Variants in GPHN observed in about 807,000 individuals in gnomAD.
GPHN encodes the protein gephyrin.
Under a neutral mutation model 95.5 loss-of-function variants are expected in GPHN, and 17 were observed. That is an observed-to-expected ratio of 0.18 (90% CI 0.12 to 0.27). The LOEUF is 0.27. Ranked by LOEUF, GPHN falls within the 10% of genes least tolerant of loss-of-function variation. The pLI, the probability that GPHN is intolerant of heterozygous loss-of-function variation, is 1.00. For missense variants in GPHN, 660 were observed against 978.1 expected, an observed-to-expected ratio of 0.67 and a Z score of 4.34; for synonymous variants, 320 against 322.5, an observed-to-expected ratio of 0.99 and a Z score of 0.08.
intron 5 of GPHN, among the ~76,000 whole-genome samples, chr14:66,907,909 G>A (rs1054437152): frequency 6.6e-6 from 1 of 151,944 alleles, no homozygotes; most frequent in Non-Finnish European, 1.5e-5. Context: ...AGGGGAAGAG[G>A]CTAGAATGAT....
At chr14:66,890,139 C>A (rs1018693472) in intron 5 of GPHN, among the ~76,000 whole-genome samples, 1 of 152,138 alleles carries the variant, frequency 6.6e-6, no homozygotes, top group Non-Finnish European at 1.5e-5. Context: ...CAGCTGGGTA[C>A]GGTGGCTCAC....
chr14:66,670,617 C>G (rs1021733579), intron 1 of GPHN, among the ~76,000 whole-genome samples: 3 of 152,098 alleles, frequency 2.0e-5, no homozygotes, highest in African/African-American at 7.2e-5. Context: ...CAGCGAAACC[C>G]AGTCTTAACA....
intron 4 of GPHN, among the ~76,000 whole-genome samples, chr14:66,857,109 C>A (rs2062836208): frequency 6.6e-6 from 1 of 151,920 alleles, no homozygotes; most frequent in East Asian, 1.9e-4. Flanking sequence ...ACAGTTTGGG[C>A]AGTCAGTAAT....
At chr14:67,434,696 C>T in the GPHN span, among the ~76,000 whole-genome samples, 42 of 152,312 alleles carry the variant, frequency 2.8e-4, 2 homozygotes, top group South Asian at 8.3e-3. Context: ...ATAATGATGA[C>T]AGCAGAGAGA....
At chr14:67,398,624 C>A in the GPHN span, among the ~76,000 whole-genome samples, 1 of 148,936 alleles carries the variant, frequency 6.7e-6, no homozygotes, top group Admixed American at 7.1e-5. Context: ...ACCTGAGAAC[C>A]ACCTAAACGA....
At chr14:67,650,744 G>A in the GPHN span, 1 of 1,614,098 alleles carries the variant, frequency 6.2e-7, no homozygotes, top group Non-Finnish European at 8.5e-7. Context: ...TCTTGTTGAA[G>A]TCAATCCTCA....
At chr14:67,731,319 A>G in the GPHN span, among the ~76,000 whole-genome samples, 1 of 144,176 alleles carries the variant, frequency 6.9e-6, no homozygotes, top group East Asian at 2.1e-4. Flanking sequence ...GGTTCAAGGG[A>G]TCCTCCTGCC....
chr14:66,943,418 G>A (rs1034449238), intron 8 of GPHN, among the ~76,000 whole-genome samples: 4 of 152,136 alleles, frequency 2.6e-5, no homozygotes, highest in Non-Finnish European at 5.9e-5. Context: ...AATTAAAGAT[G>A]CGGTTAGTAC....
chr14:67,513,015 G>C, the GPHN span, among the ~76,000 whole-genome samples: 1 of 152,110 alleles, frequency 6.6e-6, no homozygotes, highest in Admixed American at 6.5e-5. Context: ...ACAGTATAAG[G>C]CTCACTAACT....
At chr14:67,546,872 A>G in the GPHN span, among the ~76,000 whole-genome samples, 3 of 152,076 alleles carry the variant, frequency 2.0e-5, no homozygotes, top group Non-Finnish European at 1.5e-5. Flanking sequence ...CAAAGGATAT[A>G]TATATATTTT....
chr14:67,662,191 C>CAAA, the GPHN span, among the ~76,000 whole-genome samples: 3 of 149,798 alleles, frequency 2.0e-5, no homozygotes, highest in Admixed American at 6.7e-5. Flanking sequence ...AAAAAAAAAA[C>CAAA]AACAGATTTT....
intron 18 of GPHN, among the ~76,000 whole-genome samples, chr14:67,153,950 C>T (rs2081433729): frequency 6.6e-6 from 1 of 152,166 alleles, no homozygotes; most frequent in African/African-American, 2.4e-5. Context: ...GAGCATGAAG[C>T]ACTTCTTCAT....
At chr14:67,151,560 C>G (rs1039850506) in intron 18 of GPHN, among the ~76,000 whole-genome samples, 1 of 152,098 alleles carries the variant, frequency 6.6e-6, no homozygotes, top group African/African-American at 2.4e-5. Flanking sequence ...AATAGAGAAA[C>G]CAAAAGTTAC....
At chr14:67,070,302 GTA>G (rs552912319) in intron 11 of GPHN, among the ~76,000 whole-genome samples, 92 of 145,506 alleles carry the variant, frequency 6.3e-4, no homozygotes, top group African/African-American at 2.0e-3. Flanking sequence ...GTGTGTGTGT[GTA>G]TATATATATA....
At chr14:67,462,121 G>T in the GPHN span, among the ~76,000 whole-genome samples, 1 of 152,212 alleles carries the variant, frequency 6.6e-6, no homozygotes, top group Non-Finnish European at 1.5e-5. Context: ...TCCTGGAGGT[G>T]GGGTAGGGGT....
chr14:66,967,610 C>G (rs1395268995), intron 9 of GPHN, among the ~76,000 whole-genome samples: 2 of 151,864 alleles, frequency 1.3e-5, no homozygotes, highest in Non-Finnish European at 2.9e-5. Flanking sequence ...CAAAATACTC[C>G]AGTGAACATT....
At chr14:66,616,697 C>T (rs767884383) in intron 1 of GPHN, among the ~76,000 whole-genome samples, 57 of 151,944 alleles carry the variant, frequency 3.8e-4, no homozygotes, top group Non-Finnish European at 7.1e-4. Flanking sequence ...CAGTTAGGGG[C>T]ATGGGGAACA....
the GPHN span, among the ~76,000 whole-genome samples, chr14:67,361,341 T>C: frequency 6.6e-6 from 1 of 152,272 alleles, no homozygotes; most frequent in Non-Finnish European, 1.5e-5. Flanking sequence ...TACAGAACTT[T>C]GCTACCTATT....
At chr14:66,534,025 G>T (rs2059040247) in intron 1 of GPHN, among the ~76,000 whole-genome samples, 1 of 152,078 alleles carries the variant, frequency 6.6e-6, no homozygotes. Context: ...CCTTTCTCCT[G>T]GTCTTGGGTA....
Sources: gnomAD v4.1 joint callset for allele counts (sites outside exome capture counted in the v4.1 genomes callset) on GRCh38, gnomAD v4.1.1 for gene constraint, MANE v1.5 for transcripts, NCBI Gene and HGNC (gene_info 2026-07-23, HGNC 2026-07-21) for gene names.